Variants in ZNF385D observed in about 807,000 individuals in gnomAD.
ZNF385D encodes the protein zinc finger protein 659.
ZNF385D carries 15 observed loss-of-function variants against 35.8 expected under a neutral mutation model. The observed-to-expected ratio is 0.42, with a 90% CI of 0.28 to 0.64. The LOEUF (loss-of-function observed/expected upper bound fraction) is 0.64, where lower values mean the gene tolerates loss of function less well. Ranked by LOEUF, ZNF385D falls within the 30% of genes least tolerant of loss-of-function variation. ZNF385D has a pLI of 0.23. For missense variants in ZNF385D, 474 were observed against 494.6 expected, an observed-to-expected ratio of 0.96 and a Z score of 0.39; for synonymous variants, 212 against 186.8, an observed-to-expected ratio of 1.13 and a Z score of -1.10.
At position 21,702,097 on chromosome 3, in the gene ZNF385D, G is replaced by C. The variant is rs115667744; in HGVS notation, c.23-37069C>G. ...TGCACCAGTAAGGACTCTGTGTGGG[G>C]CTCTGACCCCATATTTCCCTTCTGT... is the stretch of plus-strand genomic sequence containing the variant. On this transcript the variant is annotated intron_variant, in intron 1 of 7. Transcript: ENST00000281523. 3.2e-3 allele frequency among the ~76,000 whole-genome samples: 481 copies of C among 152,318 alleles called. 2 individuals are homozygous for C. Among genetic ancestry groups the C allele is most frequent in the African/African-American group, 0.011 (466 of 41,576 alleles).
Position 21,934,469 on chromosome 3 carries a change from TAGTA to T in ZNF385D, c.325+234344_325+234347del, listed in dbSNP as rs143270424. On this transcript the variant is annotated intron_variant, in intron 3 of 5. Coordinates refer to the ZNF385D transcript ENST00000494108. ...CACCATCAATTATATATTCTGAGGT[TAGTA>T]ATAATAATTACACCGTTAAATATTC... Among the ~76,000 whole-genome samples the T allele has an allele frequency of 5.1e-3, 771 of 152,324 alleles. 8 individuals carry two copies. Among genetic ancestry groups the T allele is most frequent in the African/African-American group, 0.018 (735 of 41,578 alleles).
At chr3:22,108,330 TA>T (rs1272841955) in intron 3 of ZNF385D, among the ~76,000 whole-genome samples, 1 of 152,144 alleles carries the variant, frequency 6.6e-6, no homozygotes, top group East Asian at 1.9e-4. Context: ...ATGTGTTTAT[TA>T]ACACAGAAAC....
At chr3:21,617,514 A>G (rs2125804983) in intron 2 of ZNF385D, among the ~76,000 whole-genome samples, 1 of 152,292 alleles carries the variant, frequency 6.6e-6, no homozygotes. Flanking sequence ...TGCTTTATGT[A>G]TGTTAGTTCA....
chr3:21,505,630 C>T (rs1459145213), intron 4 of ZNF385D, among the ~76,000 whole-genome samples: 1 of 152,112 alleles, frequency 6.6e-6, no homozygotes, highest in Non-Finnish European at 1.5e-5. Flanking sequence ...TAACTACAGC[C>T]TTGACTGGAC....
At chr3:22,341,496 C>G (rs1270579095) in intron 2 of ZNF385D, among the ~76,000 whole-genome samples, 1 of 152,180 alleles carries the variant, frequency 6.6e-6, no homozygotes, top group Non-Finnish European at 1.5e-5. Context: ...CATATATTCT[C>G]TTCTGACATC....
chr3:21,475,192 A>G (rs1389234883), intron 4 of ZNF385D, among the ~76,000 whole-genome samples: 5 of 152,020 alleles, frequency 3.3e-5, no homozygotes, highest in Admixed American at 3.3e-4. Context: ...AGGGTGTCAT[A>G]AAAGTAATTG....
At chr3:22,072,003 A>C (rs1048453909) in intron 3 of ZNF385D, among the ~76,000 whole-genome samples, 1 of 152,086 alleles carries the variant, frequency 6.6e-6, no homozygotes, top group African/African-American at 2.4e-5. Context: ...AAAGATACAT[A>C]ATTCTTTTCT....
intron 1 of ZNF385D, among the ~76,000 whole-genome samples, chr3:21,689,538 G>A (rs569004499): frequency 6.6e-6 from 1 of 152,070 alleles, no homozygotes; most frequent in East Asian, 1.9e-4. Context: ...CTACACATTA[G>A]TAATTAGACA....
At chr3:22,000,353 G>A (rs1017547496) in intron 3 of ZNF385D, among the ~76,000 whole-genome samples, 2 of 152,058 alleles carry the variant, frequency 1.3e-5, no homozygotes, top group East Asian at 3.9e-4. Context: ...AACCGTCAAA[G>A]TGACCTCTGG....
intron 2 of ZNF385D, among the ~76,000 whole-genome samples, chr3:22,300,802 C>T (rs1293453805): frequency 6.6e-6 from 1 of 151,678 alleles, no homozygotes; most frequent in African/African-American, 2.4e-5. Flanking sequence ...TTGGTAATAA[C>T]ATGGAAAAAA....
intron 3 of ZNF385D, among the ~76,000 whole-genome samples, chr3:22,119,395 A>G (rs746288632): frequency 6.6e-6 from 1 of 152,152 alleles, no homozygotes; most frequent in African/African-American, 2.4e-5. Flanking sequence ...ATTTACTACT[A>G]TTTTAATCTT....
At chr3:21,664,516 G>A (rs764420174) in intron 2 of ZNF385D, among the ~76,000 whole-genome samples, 1 of 152,110 alleles carries the variant, frequency 6.6e-6, no homozygotes, top group Admixed American at 6.6e-5. Context: ...AAAATAGATA[G>A]AAGAAACACA....
At chr3:21,709,283 T>A (rs1434457917) in intron 1 of ZNF385D, among the ~76,000 whole-genome samples, 1 of 152,188 alleles carries the variant, frequency 6.6e-6, no homozygotes, top group African/African-American at 2.4e-5. Flanking sequence ...GGCAGATATA[T>A]TGTGTTTTCT....
chr3:21,437,892 A>G (rs1477434102), intron 4 of ZNF385D, among the ~76,000 whole-genome samples: 1 of 152,118 alleles, frequency 6.6e-6, no homozygotes, highest in Non-Finnish European at 1.5e-5. Context: ...AGCTGTACGC[A>G]GGGAGTTTGT....
chr3:21,798,187 T>G (rs1478712701), intron 3 of ZNF385D, among the ~76,000 whole-genome samples: 1 of 152,196 alleles, frequency 6.6e-6, no homozygotes, highest in Non-Finnish European at 1.5e-5. Flanking sequence ...AACCAATAAC[T>G]GCTCTAAAAA....
intron 4 of ZNF385D, among the ~76,000 whole-genome samples, chr3:21,494,969 G>A (rs1485543599): frequency 6.6e-6 from 1 of 152,080 alleles, no homozygotes; most frequent in Non-Finnish European, 1.5e-5. Flanking sequence ...GACGTTCATG[G>A]CACTGTATCT....
intron 4 of ZNF385D, among the ~76,000 whole-genome samples, chr3:21,495,716 A>T (rs940788363): frequency 6.6e-6 from 1 of 152,162 alleles, no homozygotes; most frequent in Non-Finnish European, 1.5e-5. Context: ...GAACTGAAGG[A>T]AAGTGAGATG....
chr3:21,747,873 G>GTATA, intron 1 of ZNF385D, among the ~76,000 whole-genome samples: 1 of 152,164 alleles, frequency 6.6e-6, no homozygotes, highest in Non-Finnish European at 1.5e-5. Flanking sequence ...TTCATCTTTG[G>GTATA]CACATGTAAT....
At chr3:21,717,150 C>A (rs2068355868) in intron 1 of ZNF385D, among the ~76,000 whole-genome samples, 1 of 152,196 alleles carries the variant, frequency 6.6e-6, no homozygotes, top group Admixed American at 6.5e-5. Context: ...TGACACATAG[C>A]AAATTCTCAC....
Sources: allele counts gnomAD v4.1 joint callset (sites outside exome capture counted in the v4.1 genomes callset), GRCh38; gene constraint gnomAD v4.1.1; transcripts MANE v1.5; gene names NCBI Gene and HGNC (gene_info 2026-07-23, HGNC 2026-07-21).